Variants in AGBL4 observed in about 807,000 individuals in gnomAD.
AGBL4 encodes cytosolic carboxypeptidase 6.
AGBL4 carries 58 observed loss-of-function variants against 66.4 expected under a neutral mutation model. The ratio of observed to expected loss-of-function variants is 0.87; its 90% confidence interval spans 0.71 to 1.09. The LOEUF (loss-of-function observed/expected upper bound fraction) is 1.09. Ranked by LOEUF, AGBL4 falls within the 50% of genes least tolerant of loss-of-function variation. AGBL4 has a pLI of 0.00. For synonymous variants in AGBL4, 234 were observed against 222.9 expected (o/e 1.05, Z -0.44); for missense variants, 579 against 631.0 (o/e 0.92, Z 0.88).
intron 4 of AGBL4, among the ~76,000 whole-genome samples, chr1:49,163,123 C>A (rs999082640): frequency 1.3e-5 from 2 of 152,136 alleles, no homozygotes; most frequent in African/African-American, 4.8e-5. Context: ...TTTAGGATAA[C>A]GCTTGGAACT....
intron 8 of AGBL4, among the ~76,000 whole-genome samples, chr1:48,639,059 A>G (rs1027176141): frequency 6.6e-6 from 1 of 152,208 alleles, no homozygotes; most frequent in Admixed American, 6.5e-5. Flanking sequence ...CTCTGATTCA[A>G]AAAAGAACTT....
intron 1 of AGBL4, among the ~76,000 whole-genome samples, chr1:49,921,000 G>A (rs913441419): frequency 3.9e-5 from 6 of 152,080 alleles, no homozygotes; most frequent in Admixed American, 1.3e-4. Context: ...ACAGAAAACC[G>A]AACACCGCAC....
At chr1:48,876,684 CT>C (rs1649266307) in intron 5 of AGBL4, among the ~76,000 whole-genome samples, 1 of 152,196 alleles carries the variant, frequency 6.6e-6, no homozygotes, top group Non-Finnish European at 1.5e-5. Context: ...GTGCCACCCT[CT>C]GCCTTCTCTT....
chr1:48,602,037 T>A (rs1645081093), intron 9 of AGBL4, among the ~76,000 whole-genome samples: 1 of 152,146 alleles, frequency 6.6e-6, no homozygotes, highest in African/African-American at 2.4e-5. Flanking sequence ...TGCTTCCTTA[T>A]AAATCAAAGG....
intron 4 of AGBL4, among the ~76,000 whole-genome samples, chr1:49,090,566 A>G (rs1295196917): frequency 6.6e-6 from 1 of 152,142 alleles, no homozygotes; most frequent in African/African-American, 2.4e-5. Context: ...ATTACAAAAC[A>G]CTGCTCAAAG....
At chr1:49,774,222 G>A (rs1305220841) in intron 2 of AGBL4, among the ~76,000 whole-genome samples, 1 of 152,174 alleles carries the variant, frequency 6.6e-6, no homozygotes, top group African/African-American at 2.4e-5. Flanking sequence ...AATAACTGCT[G>A]GCGTCTGCAA....
At chr1:49,708,915 C>T (rs1170275859) in intron 2 of AGBL4, among the ~76,000 whole-genome samples, 2 of 152,202 alleles carry the variant, frequency 1.3e-5, no homozygotes, top group Non-Finnish European at 1.5e-5. Flanking sequence ...CTGCCTGCTC[C>T]TTCCTCTAGA....
At chr1:49,434,683 AGTGGTGGTGGTGGTGGTGGTGGTGCTG>A (rs1156702848) in intron 3 of AGBL4, among the ~76,000 whole-genome samples, 7 of 141,528 alleles carry the variant, frequency 4.9e-5, no homozygotes, top group Non-Finnish European at 7.8e-5. Context: ...TAGTGGTGGT[AGTGGTGGTGGTGGTGGTGGTGGTGCTG>A]GTGGTGGTGG....
At chr1:49,660,173 A>T (rs576061632) in intron 3 of AGBL4, among the ~76,000 whole-genome samples, 1 of 152,124 alleles carries the variant, frequency 6.6e-6, no homozygotes. Flanking sequence ...AGGCAACTAC[A>T]AAGTAGGAGA....
intron 3 of AGBL4, among the ~76,000 whole-genome samples, chr1:49,554,004 G>C (rs2148842506): frequency 6.6e-6 from 1 of 152,208 alleles, no homozygotes; most frequent in East Asian, 1.9e-4. Context: ...GCTGGCGTTA[G>C]TGGTGCAATT....
chr1:49,778,660 T>C (rs902971391), intron 2 of AGBL4, among the ~76,000 whole-genome samples: 1 of 152,120 alleles, frequency 6.6e-6, no homozygotes. Context: ...CCTCAAAGAT[T>C]GACAATGCCT....
At chr1:49,314,643 T>G (rs574891878) in intron 3 of AGBL4, among the ~76,000 whole-genome samples, 7 of 152,180 alleles carry the variant, frequency 4.6e-5, no homozygotes, top group Non-Finnish European at 8.8e-5. Context: ...ATGAGCATTT[T>G]GGTTGTTTCC....
intron 1 of AGBL4, among the ~76,000 whole-genome samples, chr1:49,948,275 T>A (rs1472056427): frequency 2.0e-5 from 2 of 100,932 alleles, no homozygotes; most frequent in Admixed American, 1.4e-4. Context: ...TAAATACATA[T>A]AAATATATAT....
At chr1:48,640,658 C>T (rs1645739960) in intron 8 of AGBL4, among the ~76,000 whole-genome samples, 1 of 152,088 alleles carries the variant, frequency 6.6e-6, no homozygotes, top group African/African-American at 2.4e-5. Flanking sequence ...GGGATTTGAA[C>T]CCAGGTCTTG....
intron 4 of AGBL4, among the ~76,000 whole-genome samples, chr1:49,073,053 A>T (rs1644641622): frequency 6.6e-6 from 1 of 152,166 alleles, no homozygotes; most frequent in Admixed American, 6.5e-5. Flanking sequence ...CGAAGCTTGC[A>T]TGTGCTTCAC....
intron 1 of AGBL4, among the ~76,000 whole-genome samples, chr1:49,869,011 G>C (rs1646773977): frequency 6.6e-6 from 1 of 152,144 alleles, no homozygotes; most frequent in African/African-American, 2.4e-5. Context: ...GCTCATCACT[G>C]ATCATTAGAG....
At chr1:48,685,447 A>AC (rs972705761) in intron 6 of AGBL4, among the ~76,000 whole-genome samples, 1 of 151,394 alleles carries the variant, frequency 6.6e-6, no homozygotes, top group Admixed American at 6.6e-5. Flanking sequence ...AGGAGTCATG[A>AC]CCCCCCCATA....
chr1:48,839,574 G>A (rs1439523666), intron 6 of AGBL4, among the ~76,000 whole-genome samples: 1 of 152,148 alleles, frequency 6.6e-6, no homozygotes, highest in Admixed American at 6.5e-5. Flanking sequence ...AGGCTGGAAA[G>A]GTTAGTGGAG....
chr1:48,680,973 A>G (rs1353286612), intron 6 of AGBL4, among the ~76,000 whole-genome samples: 4 of 152,196 alleles, frequency 2.6e-5, no homozygotes, highest in Admixed American at 1.3e-4. Flanking sequence ...TGTACTCATT[A>G]AAATTACAGG....
Sources: allele counts gnomAD v4.1 joint callset (sites outside exome capture counted in the v4.1 genomes callset), GRCh38; gene constraint gnomAD v4.1.1; transcripts MANE v1.5; gene names NCBI Gene and HGNC (gene_info 2026-07-23, HGNC 2026-07-21).